MLC1: variants seen among roughly 807,000 people sequenced by gnomAD.
The protein encoded by MLC1 is modulator of VRAC current 1.
Under a neutral mutation model 44.7 loss-of-function variants are expected in MLC1, and 32 were observed. That is an observed-to-expected ratio of 0.72 (90% CI 0.54 to 0.96). The LOEUF is 0.96. Ranked by LOEUF, MLC1 falls within the 40% of genes least tolerant of loss-of-function variation. The probability of loss-of-function intolerance (pLI) is 0.00; values close to 1 mark genes in which losing one functional copy is unlikely to be tolerated. For missense variants in MLC1, 459 were observed against 492.2 expected, an observed-to-expected ratio of 0.93 and a Z score of 0.64; for synonymous variants, 190 against 213.0, an observed-to-expected ratio of 0.89 and a Z score of 0.94.
At chr22:50,068,061 C>T (rs954796665) in intron 10 of MLC1, among the ~76,000 whole-genome samples, 1 of 152,182 alleles carries the variant, frequency 6.6e-6, no homozygotes, top group Admixed American at 6.5e-5. Flanking sequence ...ACTGGGTCAG[C>T]TCAAAGTAAC....
At chr22:50,072,605 G>A (rs1399949663) in intron 8 of MLC1, 3 of 152,390 alleles carry the variant, frequency 2.0e-5, no homozygotes, top group South Asian at 2.1e-4. Context: ...CCTCTGTGAT[G>A]AGGGCTGACT....
rs897148487 is a variant in MLC1 at position 50,080,514 on chromosome 22, C to T, written c.268-117G>A. 6 of 1,141,102 alleles carry T rather than the reference C, an allele frequency of 5.3e-6. No homozygotes were observed. In the African/African-American group the frequency reaches 9.2e-5, roughly 18 times the overall value. 70.7% of individuals were successfully genotyped at this position (1,141,102 alleles called of 1,614,324 possible). On this transcript the variant is annotated intron_variant, in intron 3 of 11. Coordinates refer to ENST00000311597, the MANE Select transcript of MLC1 (RefSeq NM_015166.4). Reference sequence around the variant, plus strand: ...GAATCATATTCACAAAACAGTGTTGCCAGTCCATGCAACACAGTGGGTTGG... The same window carrying T: ...GAATCATATTCACAAAACAGTGTTGTCAGTCCATGCAACACAGTGGGTTGG...
At position 50,080,004 on chromosome 22, in the gene MLC1, T is replaced by G; in HGVS notation, c.337A>C (p.Ile113Leu). 1 of 1,613,864 alleles carries G rather than the reference T, an allele frequency of 6.2e-7. No homozygotes were observed. The highest frequency in any genetic ancestry group is 8.5e-7 in the Non-Finnish European group (1 of 1,179,714). ...RNANVIPNFQILFVSTFAVTT... is the reference protein window; with the variant it reads ...RNANVIPNFQLLFVSTFAVTT... ...ACAGCAAACGTGGAAACAAACAATA[T>G]CTGAAAGTTGGGAATCTGAAAAACA... The change falls in exon 5 of 12, where the codon ATA (isoleucine) becomes CTA (leucine). Residue 113 changes from isoleucine (I) to leucine (L), a missense_variant. Physicochemically the swap from Ile to Leu is conservative, Grantham distance 5. Transcript: ENST00000311597.
At chr22:50,082,400 C>A (rs1469187195) in intron 3 of MLC1, among the ~76,000 whole-genome samples, 2 of 152,182 alleles carry the variant, frequency 1.3e-5, no homozygotes, top group Non-Finnish European at 2.9e-5. Flanking sequence ...CTCTGAGGAT[C>A]AGTGGGTGCC....
intron 10 of MLC1, 123 bp from the exon 11 acceptor site, chr22:50,064,321 T>A: frequency 8.7e-7 from 1 of 1,155,592 alleles, no homozygotes; most frequent in Non-Finnish European, 1.2e-6. Context: ...GGAGCCCCAG[T>A]AACCCAAACG....
Position 50,061,423 on chromosome 22 carries a change from T to C in MLC1, c.*160A>G. On this transcript the variant is annotated 3_prime_UTR_variant, in exon 12 of 12. Coordinates refer to ENST00000311597, the MANE Select transcript of MLC1 (RefSeq NM_015166.4). ...TAGCCAACATTGGCCTATTTTAAAA[T>C]TAAACTACCCTAGGAAGTGAAAACC... The C allele has an allele frequency of 1.3e-6, 1 of 753,688 alleles. No individual in the cohort carries two copies. Among genetic ancestry groups the C allele is most frequent in the South Asian group, 1.5e-5 (1 of 65,982 alleles). The allele number at this position is 753,688 out of a possible 1,614,324, so 46.7% of individuals were successfully genotyped here.
At chr22:50,063,485 A>G (rs931545722) in intron 11 of MLC1, among the ~76,000 whole-genome samples, 1 of 151,202 alleles carries the variant, frequency 6.6e-6, no homozygotes, top group African/African-American at 2.4e-5. Flanking sequence ...AAAAAAAAAA[A>G]AAAAAGAAAA....
intron 1 of MLC1, 134 bp downstream of exon 1, chr22:50,085,221 C>A (rs1330768949): frequency 7.2e-6 from 9 of 1,248,100 alleles, no homozygotes; most frequent in Non-Finnish European, 9.2e-6. Context: ...CAACACCTGA[C>A]AACATCCATC....
intron 3 of MLC1, among the ~76,000 whole-genome samples, 173 bp downstream of exon 3, chr22:50,082,911 C>T (rs902640603): frequency 2.6e-5 from 4 of 152,170 alleles, no homozygotes; most frequent in African/African-American, 7.2e-5. Context: ...GTGATCCACC[C>T]ACCTCCACCC....
intron 3 of MLC1, among the ~76,000 whole-genome samples, chr22:50,081,009 A>AAAGGAAAGAAAGAAAG (rs1555967987): frequency 1.0e-5 from 1 of 96,740 alleles, no homozygotes; most frequent in Non-Finnish European, 2.0e-5. Flanking sequence ...TTGTCTCAAA[A>AAAGGAAAGAAAGAAAG]AAAGAAAGAA....
chr22:50,078,206 G>T (rs1208208283), intron 5 of MLC1, among the ~76,000 whole-genome samples: 3 of 151,800 alleles, frequency 2.0e-5, no homozygotes, highest in Non-Finnish European at 2.9e-5. Flanking sequence ...GGTCAGGCTG[G>T]TCTCGAACTC....
chr22:50,079,936 C>G lies in MLC1; in HGVS notation c.405G>C (p.Leu135=). 1 of 1,613,396 alleles carries G rather than the reference C, an allele frequency of 6.2e-7. No individual in the cohort carries two copies. Among genetic ancestry groups the G allele is most frequent in the Non-Finnish European group, 8.5e-7 (1 of 1,179,304 alleles). The change falls in exon 5 of 12, where the codon CTG becomes CTC. Residue 135 remains leucine (L), a synonymous_variant. Transcript: ENST00000311597. ...AACTCACGTTTATTGCTGATGGGTT[C>G]AGGACTAGTTTGCATCCAAACCAAA... The part of the protein sequence containing the change: ...CLIWFGCKLV[L]NPSAININFN...
chr22:50,075,092 G>A (rs537533542), intron 7 of MLC1, among the ~76,000 whole-genome samples: 26 of 150,894 alleles, frequency 1.7e-4, no homozygotes, highest in Non-Finnish European at 3.6e-4. Context: ...TCATCTGCCC[G>A]GCACCATCAG....
At chr22:50,065,028 G>C (rs188426056) in intron 10 of MLC1, among the ~76,000 whole-genome samples, 1 of 152,146 alleles carries the variant, frequency 6.6e-6, no homozygotes, top group East Asian at 1.9e-4. Context: ...AGGTTCAAGC[G>C]ATTCTCCTGC....
At chr22:50,065,938 G>T (rs2146787553) in intron 10 of MLC1, among the ~76,000 whole-genome samples, 1 of 152,358 alleles carries the variant, frequency 6.6e-6, no homozygotes, top group East Asian at 1.9e-4. Context: ...CATCACTAGG[G>T]ACTGGCTGGG....
At chr22:50,062,816 G>A (rs2061600746) in intron 11 of MLC1, among the ~76,000 whole-genome samples, 1 of 152,254 alleles carries the variant, frequency 6.6e-6, no homozygotes, top group Admixed American at 6.5e-5. Flanking sequence ...TCAGCGGGCA[G>A]GTTTGCCCAG....
chr22:50,068,624 G>T, intron 9 of MLC1, 69 bp from the exon 10 acceptor site: 2 of 1,507,154 alleles, frequency 1.3e-6, no homozygotes, highest in Non-Finnish European at 1.8e-6. Flanking sequence ...GGCGTGGCCA[G>T]GGCTGGGGGG....
chr22:50,074,480 C>A, intron 7 of MLC1, 148 bp from the exon 8 acceptor site: 1 of 718,062 alleles, frequency 1.4e-6, no homozygotes, highest in Non-Finnish European at 2.5e-6. Context: ...TGGATGGACC[C>A]CCAGCCTCAC....
rs774694646 is a variant in MLC1, at chr22:50,077,419, C to T, written c.507G>A (p.Glu169=). The T allele has an allele frequency of 6.2e-7, 1 of 1,613,918 alleles. No homozygotes were observed. Among genetic ancestry groups the T allele is most frequent in the Non-Finnish European group, 8.5e-7 (1 of 1,179,998 alleles). Residue 169 remains glutamate, a synonymous_variant, in exon 6 of 12, where the codon GAG becomes GAA. Transcript: ENST00000311597. The stretch of plus-strand genomic sequence containing the variant: ...CACCCACCTTCTTTTTCTTGCAGTC[C>T]TCCTCGCTGGACCGTGCAGCGATGA... ...TVIIAARSSE[E]DCKKKKGSMS...
Sources: allele counts gnomAD v4.1 joint callset (sites outside exome capture counted in the v4.1 genomes callset), GRCh38; gene constraint gnomAD v4.1.1; transcripts MANE v1.5; gene names NCBI Gene and HGNC (gene_info 2026-07-23, HGNC 2026-07-21).